Variants in ZNF566 observed in about 807,000 individuals in gnomAD.
The protein encoded by ZNF566 is zinc finger protein 566.
Under a neutral mutation model 32.8 loss-of-function variants are expected in ZNF566, and 27 were observed. The observed-to-expected ratio is 0.82, with a 90% CI of 0.61 to 1.14. The LOEUF (loss-of-function observed/expected upper bound fraction) is 1.14. ZNF566 is among the 50% of genes most tolerant of loss of function. The pLI, the probability that ZNF566 is intolerant of heterozygous loss-of-function variation, is 0.00. For missense variants in ZNF566, 402 were observed against 490.4 expected (o/e 0.82, Z 1.70); for synonymous variants, 154 against 159.5 (o/e 0.97, Z 0.26).
intron 4 of ZNF566, chr19:36,456,580 A>AG (rs1432281955): frequency 7.0e-6 from 1 of 142,790 alleles, no homozygotes; most frequent in Non-Finnish European, 1.5e-5. Context: ...TAAATAAAAA[A>AG]GGGGGGTGGG....
At chr19:36,479,021 A>G (rs747351443) in intron 1 of ZNF566, among the ~76,000 whole-genome samples, 2 of 152,178 alleles carry the variant, frequency 1.3e-5, no homozygotes, top group Non-Finnish European at 2.9e-5. Context: ...GCCATGAGTA[A>G]TAAAGTCTTT....
At chr19:36,481,565 C>A (rs770101400) in intron 1 of ZNF566, among the ~76,000 whole-genome samples, 3 of 150,986 alleles carry the variant, frequency 2.0e-5, no homozygotes, top group Non-Finnish European at 2.9e-5. Flanking sequence ...ACAACATATT[C>A]TGTTAGGTGG....
intron 1 of ZNF566, among the ~76,000 whole-genome samples, chr19:36,478,804 T>C (rs778942722): frequency 1.3e-5 from 2 of 152,206 alleles, no homozygotes; most frequent in Non-Finnish European, 2.9e-5. Context: ...TTTATGCAGC[T>C]GATAACCTTG....
chr19:36,455,905 G>C (rs2033295164), intron 4 of ZNF566, among the ~76,000 whole-genome samples: 1 of 151,902 alleles, frequency 6.6e-6, no homozygotes, highest in Non-Finnish European at 1.5e-5. Context: ...CAGGCATGGT[G>C]GTGGGCGCCT....
chr19:36,448,575 T>C lies in ZNF566; in HGVS notation c.*402A>G, dbSNP rs2033052915. 1.3e-5 allele frequency: 2 copies of C among 155,072 alleles called. No homozygotes were observed. The highest frequency in any genetic ancestry group is 2.9e-5 in the Non-Finnish European group (2 of 70,150). The allele number at this position is 155,072 out of a possible 1,614,324, so 9.6% of individuals were successfully genotyped here. A position where few individuals can be genotyped will look rare whatever the true frequency, so the allele number is the denominator to read the frequency against. On this transcript the variant is annotated 3_prime_UTR_variant, in exon 5 of 5. Transcript: ENST00000452939. ...TAAACAGATGAAATTTATAGCCATA[T>C]AAATTTAATATGGATTAAAATACTA...
chr19:36,464,953 G>A (rs935081607), intron 4 of ZNF566, among the ~76,000 whole-genome samples: 4 of 152,110 alleles, frequency 2.6e-5, no homozygotes, highest in South Asian at 2.1e-4. Context: ...ATATCATAAC[G>A]AAAGTGAATA....
chr19:36,472,713 G>A (rs920501354), intron 4 of ZNF566, among the ~76,000 whole-genome samples, 198 bp downstream of exon 4: 1 of 152,188 alleles, frequency 6.6e-6, no homozygotes, highest in Non-Finnish European at 1.5e-5. Flanking sequence ...AGAACTGAGA[G>A]AGAAGGATAA....
At chr19:36,478,639 C>T (rs1218865908) in intron 1 of ZNF566, among the ~76,000 whole-genome samples, 1 of 150,906 alleles carries the variant, frequency 6.6e-6, no homozygotes, top group Non-Finnish European at 1.5e-5. Context: ...AAAAAAGTCT[C>T]ACGAAATAAG....
At chr19:36,476,321 A>AAG in intron 2 of ZNF566, 1 of 377,036 alleles carries the variant, frequency 2.7e-6, no homozygotes, top group Non-Finnish European at 4.8e-6. Flanking sequence ...AAAAAAAAAA[A>AAG]GGGTAAATTT....
chr19:36,456,838 C>A (rs1447200439), intron 4 of ZNF566, among the ~76,000 whole-genome samples: 1 of 152,156 alleles, frequency 6.6e-6, no homozygotes, highest in East Asian at 1.9e-4. Flanking sequence ...TCTACACATT[C>A]AGTGGAATCC....
At chr19:36,451,875 A>G (rs2967534) in intron 4 of ZNF566, among the ~76,000 whole-genome samples, 39,102 of 151,872 alleles carry the variant, frequency 0.26, 5,146 homozygotes, top group South Asian at 0.37. Context: ...GTGTGGTAGC[A>G]CATGCACTGT....
At chr19:36,479,271 G>C (rs932816946) in intron 1 of ZNF566, among the ~76,000 whole-genome samples, 3 of 151,958 alleles carry the variant, frequency 2.0e-5, no homozygotes, top group Non-Finnish European at 4.4e-5. Context: ...AGAAATAAAA[G>C]GTATAAAGAT....
intron 4 of ZNF566, among the ~76,000 whole-genome samples, chr19:36,459,895 T>C (rs1015394797): frequency 1.3e-5 from 2 of 150,812 alleles, no homozygotes; most frequent in Non-Finnish European, 2.9e-5. Flanking sequence ...CTCAGCTCAC[T>C]GCAACTTCCA....
intron 1 of ZNF566, among the ~76,000 whole-genome samples, chr19:36,480,036 A>T (rs1402629623): frequency 6.6e-6 from 1 of 152,090 alleles, no homozygotes; most frequent in East Asian, 1.9e-4. Flanking sequence ...AACCCCAGCA[A>T]GGCTTTGGGG....
intron 1 of ZNF566, among the ~76,000 whole-genome samples, chr19:36,481,262 G>A (rs986076055): frequency 6.6e-6 from 1 of 152,014 alleles, no homozygotes; most frequent in East Asian, 1.9e-4. Context: ...CCTGAGGTCA[G>A]GAATTTGGGA....
chr19:36,457,822 C>T lies in ZNF566; in HGVS notation c.233-7821G>A, dbSNP rs185039243. Among the ~76,000 whole-genome samples, 743 of 152,248 alleles carry T rather than the reference C, an allele frequency of 4.9e-3. 6 individuals carry two copies. Among genetic ancestry groups the T allele is most frequent in the African/African-American group, 0.017 (700 of 41,552 alleles). On this transcript the variant is annotated intron_variant, in intron 4 of 4. Transcript: ENST00000452939. ...GGGAGAATCGCTTGAACCCCGGAGG[C>T]GGAGGTTGCAGTGAGCTGAGATTGC...
intron 4 of ZNF566, among the ~76,000 whole-genome samples, chr19:36,451,863 G>A (rs150327699): frequency 7.9e-5 from 12 of 152,086 alleles, no homozygotes; most frequent in East Asian, 1.9e-4. Flanking sequence ...AAAATTAGCC[G>A]GGTGTGGTAG....
intron 1 of ZNF566, among the ~76,000 whole-genome samples, chr19:36,483,511 G>T (rs1487352586): frequency 6.6e-6 from 1 of 152,030 alleles, no homozygotes; most frequent in East Asian, 1.9e-4. Flanking sequence ...GGGTTGGGGG[G>T]AAGCTTTAAA....
At chr19:36,453,320 A>G (rs1037005459) in intron 4 of ZNF566, among the ~76,000 whole-genome samples, 1 of 151,204 alleles carries the variant, frequency 6.6e-6, no homozygotes, top group Non-Finnish European at 1.5e-5. Flanking sequence ...TAAAAATACA[A>G]AAGTTAGCTG....
Sources: allele counts gnomAD v4.1 joint callset (sites outside exome capture counted in the v4.1 genomes callset), GRCh38; gene constraint gnomAD v4.1.1; transcripts MANE v1.5; gene names NCBI Gene and HGNC (gene_info 2026-07-23, HGNC 2026-07-21).